The following PREPL variants were observed in gnomAD, a reference collection of about 807,000 sequenced individuals.
PREPL encodes prolyl endopeptidase like.
Under a neutral mutation model 70.6 loss-of-function variants are expected in PREPL, and 77 were observed. The ratio of observed to expected loss-of-function variants is 1.09; its 90% CI spans 0.91 to 1.32. PREPL has a LOEUF of 1.32. Among genes scored for constraint, PREPL ranks in the 40% most tolerant of loss-of-function variants. The pLI is 0.00. For missense variants in PREPL, 1,002 were observed against 778.2 expected (o/e 1.29, Z -3.42); for synonymous variants, 315 against 264.8 (o/e 1.19, Z -1.84).
At chr2:44,348,849 C>T (rs1040580574) in intron 1 of PREPL, among the ~76,000 whole-genome samples, 8 of 152,112 alleles carry the variant, frequency 5.3e-5, no homozygotes, top group South Asian at 2.1e-4. Context: ...GTTTTTGTTG[C>T]GTCCCAGGGA....
chr2:44,347,307 G>C (rs1388144133), intron 1 of PREPL: 2 of 152,194 alleles, frequency 1.3e-5, no homozygotes, highest in Non-Finnish European at 2.9e-5. Context: ...TTGCACTCCA[G>C]CATGCAGAGT....
intron 12 of PREPL, 88 bp downstream of exon 12, chr2:44,322,643 G>C (rs1001452364): frequency 2.7e-6 from 4 of 1,472,638 alleles, no homozygotes; most frequent in Non-Finnish European, 2.7e-6. Flanking sequence ...AGATGATTTG[G>C]CTACAGCCTG....
chr2:44,326,886 G>A lies in PREPL; in HGVS notation c.1305C>T (p.Arg435=). ...ELGLQWHADG[R]LTKKLNGLAD... is the part of the protein sequence containing the mutation. ...CAAGGCCATTGAGTTTTTTAGTTAGGCGGCCATCAGCGTGCCACTGGAGGC... is the reference window on the plus strand; with the variant it reads ...CAAGGCCATTGAGTTTTTTAGTTAGACGGCCATCAGCGTGCCACTGGAGGC... Residue 435 remains arginine, a synonymous_variant, in exon 10 of 14, where the codon CGC becomes CGT. Coordinates refer to ENST00000409411, the MANE Select transcript of PREPL (RefSeq NM_001171613.2). 6.2e-7 allele frequency: 1 copy of A among 1,614,132 alleles called. No homozygotes were observed. The highest frequency in any genetic ancestry group is 1.7e-5 in the Admixed American group (1 of 60,012).
Position 44,339,261 on chromosome 2 carries a change from A to C in PREPL, c.588T>G (p.Pro196=). The change falls in exon 6 of 14, where the codon CCT becomes CCG. Residue 196 remains proline, a synonymous_variant. Transcript: ENST00000409411. ...SEVWLIDGLS[P]WDPPVLIQKR... ...TCTGGATAAGTACTGGTGGGTCCCA[A>C]GGGCTCAGGCCATCTATCAACCACA... is the stretch of plus-strand genomic sequence containing the variant. The C allele has an allele frequency of 6.2e-7, 1 of 1,614,114 alleles. No homozygotes were observed. The highest frequency in any genetic ancestry group is 8.5e-7 in the Non-Finnish European group (1 of 1,180,000).
chr2:44,341,361 G>C (rs760112232), intron 5 of PREPL, among the ~76,000 whole-genome samples: 53 of 152,030 alleles, frequency 3.5e-4, no homozygotes, highest in African/African-American at 1.2e-3. Flanking sequence ...GTTATTCTAA[G>C]CTCTATTATT....
Position 44,343,921 on chromosome 2 carries a change from T to C in PREPL, c.173A>G (p.Asn58Ser), listed in dbSNP as rs1484564889. The stretch of plus-strand genomic sequence containing the variant: ...CTGGTCTAACTTAAGTTCCTCCAAA[T>C]TGAATAAAACTTCATAATTATCATT... ...ADNDNYEVLF[N>S]LEELKLDQPF... is the part of the protein sequence containing the mutation. Residue 58 changes from asparagine (N) to serine (S), a missense_variant, in exon 4 of 14, where the codon AAT (asparagine) becomes AGT (serine). Transcript: ENST00000409411. 2.5e-6 allele frequency: 4 copies of C among 1,614,002 alleles called. No individual in the cohort carries two copies. The highest frequency in any genetic ancestry group is 2.2e-5 in the South Asian group (2 of 91,088).
chr2:44,333,417 C>A (rs1674317152), intron 7 of PREPL, among the ~76,000 whole-genome samples: 1 of 151,984 alleles, frequency 6.6e-6, no homozygotes, highest in Admixed American at 6.6e-5. Flanking sequence ...AGAAATGGTA[C>A]CGAGAGGCAG....
chr2:44,328,861 C>G, intron 9 of PREPL, 76 bp downstream of exon 9: 4 of 1,349,926 alleles, frequency 3.0e-6, no homozygotes, highest in Non-Finnish European at 4.0e-6. Flanking sequence ...CTTTTGTTCC[C>G]TGATATATAT....
intron 1 of PREPL, among the ~76,000 whole-genome samples, chr2:44,358,915 G>C (rs1006155910): frequency 6.6e-6 from 1 of 152,008 alleles, no homozygotes; most frequent in South Asian, 2.1e-4. Flanking sequence ...ATTTTATTAA[G>C]AGCTATAATT....
chr2:44,321,099 C>G lies in PREPL; in HGVS notation c.*257G>C, dbSNP rs1672900478. 2.2e-6 allele frequency: 1 copy of G among 449,998 alleles called. No homozygotes were observed. The highest frequency in any genetic ancestry group is 2.0e-5 in the African/African-American group (1 of 50,568). 27.9% of individuals were successfully genotyped at this position (449,998 alleles called of 1,614,324 possible). ...GGAGCTCTGCTATCACCAATCCTTC[C>G]CTTCCCTCTACTCCACATCCTTCTA... On this transcript the variant is annotated 3_prime_UTR_variant, in exon 14 of 14. Transcript: ENST00000409411.
At chr2:44,332,319 T>C in intron 8 of PREPL, 140 bp downstream of exon 8, 1 of 683,562 alleles carries the variant, frequency 1.5e-6, no homozygotes, top group Non-Finnish European at 2.4e-6. Context: ...CACCTATCCC[T>C]AAAGTCACTT....
chr2:44,339,189 T>C lies in PREPL; in HGVS notation c.660A>G (p.Glu220=). 1 of 1,614,058 alleles carries C rather than the reference T, an allele frequency of 6.2e-7. No homozygotes were observed. The highest frequency in any genetic ancestry group is 1.3e-5 in the African/African-American group (1 of 75,054). ...CTCCAACATTAGTGAGAATGTATAA[T>C]TCATCATCTCTGTGTTCAACATAGT... The part of the protein sequence containing the change: ...VLYYVEHRDD[E]LYILTNVGEP... Residue 220 remains glutamate, a synonymous_variant, in exon 6 of 14, where the codon GAA becomes GAG. Transcript: ENST00000409411.
intron 1 of PREPL, among the ~76,000 whole-genome samples, chr2:44,355,552 A>G (rs1276730092): frequency 6.6e-6 from 1 of 152,134 alleles, no homozygotes; most frequent in Admixed American, 6.5e-5. Flanking sequence ...CTGTCTCAAA[A>G]AAAAGCAATC....
At chr2:44,333,369 C>T (rs1200183885) in intron 7 of PREPL, among the ~76,000 whole-genome samples, 1 of 152,118 alleles carries the variant, frequency 6.6e-6, no homozygotes, top group East Asian at 1.9e-4. Flanking sequence ...CCTCTTACAC[C>T]TTTTAAAGAA....
chr2:44,355,726 T>C (rs1320701946), intron 1 of PREPL, among the ~76,000 whole-genome samples: 1 of 148,788 alleles, frequency 6.7e-6, no homozygotes, highest in Non-Finnish European at 1.5e-5. Context: ...GCTCAAACTT[T>C]TTGCAAGATA....
At chr2:44,340,329 T>C (rs1675078237) in intron 5 of PREPL, among the ~76,000 whole-genome samples, 1 of 152,118 alleles carries the variant, frequency 6.6e-6, no homozygotes, top group Non-Finnish European at 1.5e-5. Context: ...AATAAGTGTA[T>C]TTTTATGACT....
At position 44,338,663 on chromosome 2, in the gene PREPL, C is replaced by T. The variant is rs539982275; in HGVS notation, c.703-127G>A. 1.0e-4 allele frequency: 80 copies of T among 769,754 alleles called. 2 individuals carry two copies. Among genetic ancestry groups the T allele is most frequent in the South Asian group, 1.0e-3 (54 of 53,476 alleles). The allele number at this position is 769,754 out of a possible 1,614,324, so 47.7% of individuals were successfully genotyped here. A position where few individuals can be genotyped will look rare whatever the true frequency, so the allele number is the denominator to read the frequency against. On this transcript the variant is annotated intron_variant, in intron 6 of 13. Transcript: ENST00000409411. Reference sequence around the variant, plus strand: ...TTTTATGAAGAGCTGAAGGAACTAACGCTGCATCAGGGATAAAGTGTGACC... The same window carrying T: ...TTTTATGAAGAGCTGAAGGAACTAATGCTGCATCAGGGATAAAGTGTGACC...
chr2:44,318,006 T>G lies in PREPL; in HGVS notation c.*3350A>C. Reference sequence around the variant, plus strand: ...CAGCTATAGCTATAAACACAAAAAATGAAGTTATCTTTTGACCTAATAATT... The same window carrying G: ...CAGCTATAGCTATAAACACAAAAAAGGAAGTTATCTTTTGACCTAATAATT... On this transcript the variant is annotated 3_prime_UTR_variant, in exon 14 of 14. Coordinates refer to ENST00000409411, the MANE Select transcript of PREPL (RefSeq NM_001171613.2). 2.9e-6 allele frequency: 1 copy of G among 348,872 alleles called. No individual in the cohort carries two copies. Among genetic ancestry groups the G allele is most frequent in the South Asian group, 2.1e-5 (1 of 48,302 alleles). The allele number at this position is 348,872 out of a possible 1,614,324, so 21.6% of individuals were successfully genotyped here.
In PREPL at chr2:44,322,647, C is replaced by T. The variant is rs183493513; in HGVS notation, c.1753+84G>A. On this transcript the variant is annotated intron_variant, in intron 12 of 13. Transcript: ENST00000409411. ...AAATCCTGGGCAGATGATTTGGCTA[C>T]AGCCTGAAATATATTCCTCTGAGCA... is the stretch of plus-strand genomic sequence containing the variant. 7.4e-6 allele frequency: 11 copies of T among 1,486,494 alleles called. No individual in the cohort carries two copies. In the East Asian group the frequency reaches 2.5e-4, roughly 34 times the overall value. The allele number at this position is 1,486,494 out of a possible 1,614,324, so 92.1% of individuals were successfully genotyped here.
Sources: allele counts gnomAD v4.1 joint callset (sites outside exome capture counted in the v4.1 genomes callset), GRCh38; gene constraint gnomAD v4.1.1; transcripts MANE v1.5; gene names NCBI Gene and HGNC (gene_info 2026-07-23, HGNC 2026-07-21).